EML4: variants seen among roughly 807,000 people sequenced by gnomAD.
The protein encoded by EML4 is EMAP like 4.
A neutral mutation model predicts 129.0 loss-of-function variants in EML4; 72 were observed. The observed-to-expected ratio is 0.56, with a 90% CI of 0.46 to 0.68. The LOEUF (loss-of-function observed/expected upper bound fraction) is 0.68. Among genes scored for constraint, EML4 ranks in the 30% least tolerant of loss-of-function variants. EML4 has a pLI of 0.00. For synonymous variants in EML4, 532 were observed against 405.0 expected (o/e 1.31, Z -3.77); for missense variants, 1,363 against 1,190.6 (o/e 1.14, Z -2.13).
At chr2:42,186,242 G>A (rs1007356190) in intron 1 of EML4, among the ~76,000 whole-genome samples, 13 of 151,916 alleles carry the variant, frequency 8.6e-5, no homozygotes, top group African/African-American at 2.2e-4. Flanking sequence ...GCCGAACTAC[G>A]TTACTATGCA....
Position 42,245,665 on chromosome 2 carries a change from G to GA in EML4, c.192dup (p.Ser65IlefsTer5). The GA allele has an allele frequency of 6.2e-7, 1 of 1,608,496 alleles. No individual in the cohort carries two copies. The highest frequency in any genetic ancestry group is 8.5e-7 in the Non-Finnish European group (1 of 1,177,612). On this transcript the variant is annotated frameshift_variant, in exon 2 of 23. Transcript: ENST00000318522. LOFTEE classifies it high-confidence loss of function. Reference sequence around the variant, plus strand: ...TCTCTGAAGATCATGTGGCCTCAGTGAAAAAATCAGTCTCAAGTAAAGGTA... The same window carrying GA: ...TCTCTGAAGATCATGTGGCCTCAGTGAAAAAAATCAGTCTCAAGTAAAGGTA...
chr2:42,329,124 A>G (rs146473878), intron 22 of EML4, 108 bp downstream of exon 22: 13,465 of 1,133,008 alleles, frequency 0.012, 136 homozygotes, highest in South Asian at 0.04. Context: ...ATGATACTCC[A>G]GTGCACAGAG....
chr2:42,293,059 A>C (rs1483286445), intron 11 of EML4, among the ~76,000 whole-genome samples: 1 of 152,102 alleles, frequency 6.6e-6, no homozygotes, highest in African/African-American at 2.4e-5. Flanking sequence ...CTACTGCATC[A>C]CTGTGGAAAA....
chr2:42,177,500 G>A (rs1670675308), intron 1 of EML4, among the ~76,000 whole-genome samples: 1 of 152,072 alleles, frequency 6.6e-6, no homozygotes, highest in African/African-American at 2.4e-5. Context: ...GTGCACGCCT[G>A]TGGTCCCAGA....
chr2:42,295,449 C>T lies in EML4; in HGVS notation c.1422C>T (p.Asp474=). 1 of 1,613,888 alleles carries T rather than the reference C, an allele frequency of 6.2e-7. No individual in the cohort carries two copies. Among genetic ancestry groups the T allele is most frequent in the Non-Finnish European group, 8.5e-7 (1 of 1,179,824 alleles). ...FLGNGDVLTG[D]SGGVMLIWSK... ...GGAATGGAGATGTTCTTACTGGAGA[C>T]TCAGGTGGAGTCATGCTTATATGGA... is the stretch of plus-strand genomic sequence containing the variant. The change falls in exon 13 of 23, where the codon GAC becomes GAT. Residue 474 remains aspartate, a synonymous_variant. Coordinates refer to ENST00000318522, the MANE Select transcript of EML4 (RefSeq NM_019063.5).
At chr2:42,227,152 C>G (rs1288686163) in intron 1 of EML4, among the ~76,000 whole-genome samples, 1 of 152,028 alleles carries the variant, frequency 6.6e-6, no homozygotes, top group Non-Finnish European at 1.5e-5. Context: ...GCTCTGTTGC[C>G]CAGCTGGAGT....
At chr2:42,182,962 GC>G (rs575719004) in intron 1 of EML4, among the ~76,000 whole-genome samples, 2 of 151,918 alleles carry the variant, frequency 1.3e-5, no homozygotes, top group Non-Finnish European at 1.5e-5. Context: ...ATTGGATGAG[GC>G]CCCCCCACAG....
At chr2:42,278,788 T>C (rs984663141) in intron 6 of EML4, among the ~76,000 whole-genome samples, 3 of 147,744 alleles carry the variant, frequency 2.0e-5, no homozygotes, top group Non-Finnish European at 4.5e-5. Context: ...ACAAAAAAAT[T>C]AGCAAGGCAT....
intron 1 of EML4, among the ~76,000 whole-genome samples, chr2:42,221,549 G>A (rs954462578): frequency 4.6e-5 from 7 of 151,382 alleles, no homozygotes; most frequent in African/African-American, 1.7e-4. Context: ...AGCTGGGACT[G>A]TAAGCACACC....
At chr2:42,279,067 C>G (rs1666852037) in intron 6 of EML4, among the ~76,000 whole-genome samples, 1 of 152,070 alleles carries the variant, frequency 6.6e-6, no homozygotes, top group South Asian at 2.1e-4. Flanking sequence ...AATAAGGAAA[C>G]TGTTTCTTAG....
intron 1 of EML4, among the ~76,000 whole-genome samples, chr2:42,203,636 A>AC (rs1308913296): frequency 2.9e-5 from 3 of 103,842 alleles, no homozygotes; most frequent in East Asian, 3.1e-4. Flanking sequence ...CTTTATAGCC[A>AC]CCCCTTTTTT....
At chr2:42,279,492 C>T (rs1031612516) in intron 6 of EML4, among the ~76,000 whole-genome samples, 2 of 151,086 alleles carry the variant, frequency 1.3e-5, no homozygotes, top group Non-Finnish European at 2.9e-5. Flanking sequence ...CAGTCTTGCT[C>T]TGTCACCCAG....
At chr2:42,200,315 A>G (rs546964790) in intron 1 of EML4, among the ~76,000 whole-genome samples, 3 of 152,264 alleles carry the variant, frequency 2.0e-5, no homozygotes, top group African/African-American at 7.2e-5. Flanking sequence ...ACAGAACAAG[A>G]CTACGCCTCA....
intron 9 of EML4, among the ~76,000 whole-genome samples, chr2:42,285,537 A>G (rs996558400): frequency 1.3e-5 from 2 of 152,054 alleles, no homozygotes; most frequent in Non-Finnish European, 2.9e-5. Flanking sequence ...TAATACTAAA[A>G]GCAAAAGTAT....
chr2:42,289,511 T>A lies in EML4; in HGVS notation c.1218+1189T>A, dbSNP rs376000517. The A allele has an allele frequency of 2.4e-4, 36 of 152,336 alleles. No individual in the cohort carries two copies. The East Asian group carries it at 5.2e-3, about 22-fold the overall frequency. 9.4% of individuals were successfully genotyped at this position (152,336 alleles called of 1,614,324 possible). A position where few individuals can be genotyped will look rare whatever the true frequency, so the allele number is the denominator to read the frequency against. On this transcript the variant is annotated intron_variant, in intron 11 of 22. Transcript: ENST00000318522. ...CTAGTTGCATCCTAGACATCTTTATTTGAATGTCCTCTACCACAAATGAAA... is the reference window on the plus strand; with the variant it reads ...CTAGTTGCATCCTAGACATCTTTATATGAATGTCCTCTACCACAAATGAAA...
intron 1 of EML4, among the ~76,000 whole-genome samples, chr2:42,198,624 C>T (rs1672036999): frequency 6.6e-6 from 1 of 152,096 alleles, no homozygotes; most frequent in Non-Finnish European, 1.5e-5. Context: ...CTGAAGTCTG[C>T]TATTTTCTCT....
intron 13 of EML4, among the ~76,000 whole-genome samples, chr2:42,298,094 A>G (rs1572712606): frequency 1.3e-5 from 2 of 152,364 alleles, no homozygotes; most frequent in East Asian, 1.9e-4. Context: ...GAGTATCTAC[A>G]GAACCATTAA....
chr2:42,173,036 A>T (rs1670367288), intron 1 of EML4, among the ~76,000 whole-genome samples: 1 of 152,216 alleles, frequency 6.6e-6, no homozygotes, highest in Non-Finnish European at 1.5e-5. Flanking sequence ...AAGAAAAATC[A>T]TAGTGAATGA....
At chr2:42,242,582 C>A (rs1208081630) in intron 1 of EML4, among the ~76,000 whole-genome samples, 2 of 152,048 alleles carry the variant, frequency 1.3e-5, no homozygotes, top group Non-Finnish European at 2.9e-5. Flanking sequence ...TTTGGCCTAT[C>A]CTGTATCTCA....
Sources: allele counts gnomAD v4.1 joint callset (sites outside exome capture counted in the v4.1 genomes callset), GRCh38; gene constraint gnomAD v4.1.1; transcripts MANE v1.5; gene names NCBI Gene and HGNC (gene_info 2026-07-23, HGNC 2026-07-21).